Variants in PTPRT observed in about 807,000 individuals in gnomAD.
PTPRT encodes the protein receptor-type tyrosine-protein phosphatase T.
A neutral mutation model predicts 176.8 loss-of-function variants in PTPRT; 56 were observed. The ratio of observed to expected loss-of-function variants is 0.32; its 90% CI spans 0.26 to 0.40. PTPRT has a LOEUF of 0.40. PTPRT is among the 10% of genes least tolerant of loss of function. The probability of loss-of-function intolerance (pLI) is 1.00; values close to 1 mark genes in which losing one functional copy is unlikely to be tolerated. For synonymous variants in PTPRT, 783 were observed against 739.0 expected (o/e 1.06, Z -0.96); for missense variants, 1,540 against 1,908.2 (o/e 0.81, Z 3.60).
chr20:43,170,941 G>C (rs1441363686), intron 1 of PTPRT, among the ~76,000 whole-genome samples: 1 of 152,180 alleles, frequency 6.6e-6, no homozygotes, highest in Non-Finnish European at 1.5e-5. Flanking sequence ...CTGAGACAAT[G>C]CTGGTCTGGA....
At chr20:43,050,212 G>A (rs11905731) in intron 1 of PTPRT, among the ~76,000 whole-genome samples, 9 of 152,246 alleles carry the variant, frequency 5.9e-5, no homozygotes, top group African/African-American at 1.9e-4. Flanking sequence ...TGACCCTGTT[G>A]GAAAACAGGG....
At chr20:43,058,054 A>G (rs796994033) in intron 1 of PTPRT, among the ~76,000 whole-genome samples, 2 of 152,308 alleles carry the variant, frequency 1.3e-5, no homozygotes, top group African/African-American at 4.8e-5. Flanking sequence ...AGTGGTGTGC[A>G]GAGGTTTCCA....
intron 2 of PTPRT, among the ~76,000 whole-genome samples, chr20:42,832,826 A>G (rs2867558): frequency 7.1e-6 from 1 of 140,828 alleles, no homozygotes; most frequent in African/African-American, 2.6e-5. Flanking sequence ...AAAAAAGGCC[A>G]GGCTTGGTGC....
chr20:42,248,918 T>A, intron 13 of PTPRT, 96 bp from the exon 14 acceptor site: 1 of 1,439,136 alleles, frequency 6.9e-7, no homozygotes, highest in South Asian at 1.3e-5. Flanking sequence ...AGTTGAGTGC[T>A]AACTATGTGC....
At chr20:42,569,410 A>G (rs997369862) in intron 7 of PTPRT, among the ~76,000 whole-genome samples, 3 of 152,094 alleles carry the variant, frequency 2.0e-5, no homozygotes, top group African/African-American at 7.2e-5. Context: ...TGCATAATAA[A>G]TAATTGTTGA....
chr20:42,720,477 C>T (rs1014985609), intron 6 of PTPRT, among the ~76,000 whole-genome samples: 26 of 152,024 alleles, frequency 1.7e-4, no homozygotes, highest in African/African-American at 5.1e-4. Context: ...AAGAAACTGA[C>T]GTATAAGTTA....
chr20:42,318,046 T>G (rs1458146996), intron 11 of PTPRT, among the ~76,000 whole-genome samples: 1 of 152,236 alleles, frequency 6.6e-6, no homozygotes, highest in African/African-American at 2.4e-5. Context: ...AACATTCAGA[T>G]GAACGTGGCT....
chr20:42,509,692 C>T (rs1253851368), intron 7 of PTPRT, among the ~76,000 whole-genome samples: 6 of 151,904 alleles, frequency 3.9e-5, no homozygotes, highest in African/African-American at 2.4e-5. Flanking sequence ...GTCTCATCCT[C>T]TCTACTTATA....
intron 15 of PTPRT, among the ~76,000 whole-genome samples, chr20:42,211,532 A>T (rs1402779851): frequency 1.3e-5 from 2 of 149,812 alleles, no homozygotes; most frequent in African/African-American, 2.4e-5. Context: ...TGCAGCCAAA[A>T]AACACATGAA....
At chr20:43,073,664 C>G (rs965163029) in intron 1 of PTPRT, among the ~76,000 whole-genome samples, 1 of 151,656 alleles carries the variant, frequency 6.6e-6, no homozygotes, top group Non-Finnish European at 1.5e-5. Context: ...ATACATATTA[C>G]ATATTTAATT....
At chr20:42,367,103 A>C (rs2058525316) in intron 9 of PTPRT, among the ~76,000 whole-genome samples, 1 of 152,224 alleles carries the variant, frequency 6.6e-6, no homozygotes, top group South Asian at 2.1e-4. Flanking sequence ...ATACTTTGGG[A>C]TTATAAAAGA....
chr20:42,277,887 T>TCCATCCATCCAC (rs1287964487), intron 13 of PTPRT, among the ~76,000 whole-genome samples: 1 of 142,870 alleles, frequency 7.0e-6, no homozygotes, highest in Non-Finnish European at 1.5e-5. Flanking sequence ...CATCCACTCA[T>TCCATCCATCCAC]CCATCCATCC....
chr20:42,743,769 CA>C (rs1460690205), intron 6 of PTPRT, among the ~76,000 whole-genome samples: 1 of 152,222 alleles, frequency 6.6e-6, no homozygotes, highest in Non-Finnish European at 1.5e-5. Flanking sequence ...TACTGAACCT[CA>C]TCGATTACAT....
chr20:42,721,098 G>T (rs1426163917), intron 6 of PTPRT, among the ~76,000 whole-genome samples: 5 of 152,202 alleles, frequency 3.3e-5, no homozygotes, highest in Admixed American at 3.3e-4. Flanking sequence ...TCAGACCACG[G>T]TTCAAGCAGC....
intron 9 of PTPRT, among the ~76,000 whole-genome samples, chr20:42,434,606 C>T (rs2059245134): frequency 6.7e-6 from 1 of 150,298 alleles, no homozygotes; most frequent in Admixed American, 6.7e-5. Context: ...TGTTACTCTA[C>T]CTACGCCTTC....
chr20:42,258,460 G>A (rs779237140), intron 13 of PTPRT, among the ~76,000 whole-genome samples: 1 of 151,918 alleles, frequency 6.6e-6, no homozygotes, highest in Non-Finnish European at 1.5e-5. Context: ...TATTATAATC[G>A]CTGGGCTTTC....
chr20:42,539,820 G>A (rs1394517589), intron 7 of PTPRT, among the ~76,000 whole-genome samples: 1 of 151,882 alleles, frequency 6.6e-6, no homozygotes, highest in Non-Finnish European at 1.5e-5. Flanking sequence ...CAATAAAAGG[G>A]TTAGAGGATG....
chr20:42,189,996 C>T (rs541079289), intron 16 of PTPRT, among the ~76,000 whole-genome samples: 3 of 152,316 alleles, frequency 2.0e-5, no homozygotes, highest in African/African-American at 7.2e-5. Flanking sequence ...AAGGAATAAA[C>T]AATTCCATTC....
At chr20:42,353,145 C>T (rs764459702) in intron 9 of PTPRT, among the ~76,000 whole-genome samples, 33 of 152,080 alleles carry the variant, frequency 2.2e-4, no homozygotes, top group Non-Finnish European at 8.8e-5. Context: ...GTGCAGTAGC[C>T]CCGTGAGGCC....
Sources: gnomAD v4.1 joint callset for allele counts (sites outside exome capture counted in the v4.1 genomes callset) on GRCh38, gnomAD v4.1.1 for gene constraint, MANE v1.5 for transcripts, NCBI Gene and HGNC (gene_info 2026-07-23, HGNC 2026-07-21) for gene names.